C20orf202: variants seen among roughly 807,000 people sequenced by gnomAD.
C20orf202 encodes the protein uncharacterized protein C20orf202.
C20orf202 carries 5 observed loss-of-function variants against 5.3 expected under a neutral mutation model. The ratio of observed to expected loss-of-function variants is 0.94; its 90% CI spans 0.49 to 1.98. The LOEUF (loss-of-function observed/expected upper bound fraction) is 1.98, where lower values mean the gene tolerates loss of function less well. C20orf202 is among the 30% of genes most tolerant of loss of function. The pLI, the probability that C20orf202 is intolerant of heterozygous loss-of-function variation, is 0.01. For synonymous variants in C20orf202, 48 were observed against 50.0 expected, an observed-to-expected ratio of 0.96 and a Z score of 0.16; for missense variants, 135 against 123.5, an observed-to-expected ratio of 1.09 and a Z score of -0.44.
Position 1,207,246 on chromosome 20 carries a change from G to T in C20orf202, c.*144G>T. On this transcript the variant is annotated 3_prime_UTR_variant, in exon 2 of 2. Transcript: ENST00000400633. ...CTGCCCTCATCTGCTGTGCATCCCT[G>T]GATCTGTCACTCAGCTTCTCTGTGT... 1.9e-6 allele frequency: 1 copy of T among 531,372 alleles called. No individual in the cohort carries two copies. Among genetic ancestry groups the T allele is most frequent in the East Asian group, 3.0e-5 (1 of 32,902 alleles). The allele number at this position is 531,372 out of a possible 1,614,324, so 32.9% of individuals were successfully genotyped here.
intron 1 of C20orf202, among the ~76,000 whole-genome samples, chr20:1,204,112 C>A (rs1030861401): frequency 2.0e-5 from 3 of 152,016 alleles, no homozygotes; most frequent in African/African-American, 7.3e-5. Context: ...ATGCGTACAC[C>A]CAATGTCTTA....
intron 1 of C20orf202, among the ~76,000 whole-genome samples, chr20:1,205,495 T>C (rs1004445719): frequency 6.6e-6 from 1 of 152,206 alleles, no homozygotes; most frequent in Non-Finnish European, 1.5e-5. Context: ...TTACTTGTAA[T>C]CAGCTTGTCA....
Position 1,207,065 on chromosome 20 carries a change from T to A in C20orf202, c.263T>A (p.Leu88His), listed in dbSNP as rs1351878867. Residue 88 changes from leucine (L) to histidine (H), a missense_variant, in exon 2 of 2, where the codon CTC becomes CAC. Physicochemically the swap from Leu to His is moderately conservative, Grantham distance 99 (BLOSUM62 -3). Transcript: ENST00000400633. The stretch of plus-strand genomic sequence containing the variant: ...TGCTCAAGGGGTCTGGCCCAGCTCC[T>A]CCGAGGGGAAGACAGCAGACGAAGC... Reference protein sequence around the residue: ...PVCSRGLAQLLRGEDSRRSSL... With the variant: ...PVCSRGLAQLHRGEDSRRSSL... 1.3e-6 allele frequency: 2 copies of A among 1,528,812 alleles called. No homozygotes were observed. Among genetic ancestry groups the A allele is most frequent in the Admixed American group, 4.1e-5 (2 of 49,110 alleles). 94.7% of individuals were successfully genotyped at this position (1,528,812 alleles called of 1,614,324 possible).
intron 1 of C20orf202, among the ~76,000 whole-genome samples, chr20:1,206,048 G>A (rs1308589337): frequency 2.0e-5 from 3 of 151,824 alleles, no homozygotes; most frequent in Admixed American, 6.6e-5. Flanking sequence ...GTGAGACCCC[G>A]CCTCAAAAAT....
chr20:1,204,065 C>T (rs558252176), intron 1 of C20orf202, among the ~76,000 whole-genome samples: 42 of 152,120 alleles, frequency 2.8e-4, no homozygotes, highest in Middle Eastern at 3.4e-3. Context: ...TACTTGGCAC[C>T]GTGGTGCTGG....
At chr20:1,204,484 G>A (rs554550592) in intron 1 of C20orf202, among the ~76,000 whole-genome samples, 1 of 152,334 alleles carries the variant, frequency 6.6e-6, no homozygotes, top group Non-Finnish European at 1.5e-5. Context: ...CCGATGTTAT[G>A]TTACTTGGTC....
chr20:1,203,455 T>C lies in C20orf202; in HGVS notation c.-131T>C. ...TTTCAATGTGAGCTACTTCCTGCTCTCATTAACTCCATCTTCAGTGATTTG... is the reference window on the plus strand; with the variant it reads ...TTTCAATGTGAGCTACTTCCTGCTCCCATTAACTCCATCTTCAGTGATTTG... On this transcript the variant is annotated 5_prime_UTR_variant, in exon 1 of 2. Transcript: ENST00000400633. The C allele has an allele frequency of 2.8e-6, 4 of 1,429,816 alleles. No homozygotes were observed. The highest frequency in any genetic ancestry group is 3.7e-6 in the Non-Finnish European group (4 of 1,077,046). 88.6% of individuals were successfully genotyped at this position (1,429,816 alleles called of 1,614,324 possible). A position where few individuals can be genotyped will look rare whatever the true frequency, so the allele number is the denominator to read the frequency against.
At position 1,208,688 on chromosome 20, in the gene C20orf202, T is replaced by G. The variant is rs1317371184; in HGVS notation, c.*1586T>G. On this transcript the variant is annotated 3_prime_UTR_variant, in exon 2 of 2. Transcript: ENST00000400633. The stretch of plus-strand genomic sequence containing the variant: ...TTCACAACAGGCAGCAATTCCTTCA[T>G]GAAGCACCAGACTTCTCCAGGATCC... 6.6e-6 allele frequency among the ~76,000 whole-genome samples: 1 copy of G among 152,204 alleles called. No homozygotes were observed. Among genetic ancestry groups the G allele is most frequent in the Non-Finnish European group, 1.5e-5 (1 of 68,020 alleles).
At chr20:1,205,968 A>T (rs2087129871) in intron 1 of C20orf202, among the ~76,000 whole-genome samples, 1 of 152,068 alleles carries the variant, frequency 6.6e-6, no homozygotes, top group Non-Finnish European at 1.5e-5. Context: ...TGGGAGGATC[A>T]GTTGAACCCA....
Position 1,206,851 on chromosome 20 carries a change from G to C in C20orf202, c.67-18G>C, listed in dbSNP as rs1474385992. The C allele has an allele frequency of 1.3e-5, 19 of 1,484,410 alleles. No individual in the cohort carries two copies. The highest frequency in any genetic ancestry group is 1.4e-5 in the African/African-American group (1 of 71,466). The allele number at this position is 1,484,410 out of a possible 1,614,324, so 92.0% of individuals were successfully genotyped here. A position where few individuals can be genotyped will look rare whatever the true frequency, so the allele number is the denominator to read the frequency against. The stretch of plus-strand genomic sequence containing the variant: ...CAGGGCTCCACGCATCCCCTCACAG[G>C]CTCCTTCTCTCTCCTAGTCTGAGAT... On this transcript the variant is annotated intron_variant, in intron 1 of 1. Transcript: ENST00000400633.
chr20:1,205,972 GA>G (rs2087129897), intron 1 of C20orf202, among the ~76,000 whole-genome samples: 1 of 151,868 alleles, frequency 6.6e-6, no homozygotes, highest in Non-Finnish European at 1.5e-5. Context: ...AGGATCAGTT[GA>G]ACCCAGGAGC....
intron 1 of C20orf202, among the ~76,000 whole-genome samples, chr20:1,206,387 A>G (rs917167949): frequency 3.3e-5 from 5 of 152,224 alleles, no homozygotes; most frequent in African/African-American, 1.2e-4. Flanking sequence ...CAAAATAACT[A>G]TATTTTTCAA....
chr20:1,204,443 G>T (rs1281468171), intron 1 of C20orf202, among the ~76,000 whole-genome samples: 4 of 152,162 alleles, frequency 2.6e-5, no homozygotes, highest in African/African-American at 7.2e-5. Context: ...ATTGGCAAGG[G>T]CCTCCCCCAT....
Position 1,206,854 on chromosome 20 carries a change from C to T in C20orf202, c.67-15C>T. 1.3e-6 allele frequency: 2 copies of T among 1,494,570 alleles called. No homozygotes were observed. The highest frequency in any genetic ancestry group is 1.8e-6 in the Non-Finnish European group (2 of 1,106,492). 92.6% of individuals were successfully genotyped at this position (1,494,570 alleles called of 1,614,324 possible). On this transcript the variant is annotated splice_polypyrimidine_tract_variant and intron_variant, in intron 1 of 1. Coordinates refer to ENST00000400633, the MANE Select transcript of C20orf202 (RefSeq NM_001394958.1). ...GGCTCCACGCATCCCCTCACAGGCT[C>T]CTTCTCTCTCCTAGTCTGAGATGCA...
rs564190235 is a variant in C20orf202, at chr20:1,207,130, C to T, written c.*28C>T. 37 of 1,383,004 alleles carry T rather than the reference C, an allele frequency of 2.7e-5. No homozygotes were observed. In the South Asian group the frequency reaches 4.3e-4, roughly 16 times the overall value. 85.7% of individuals were successfully genotyped at this position (1,383,004 alleles called of 1,614,324 possible). A position where few individuals can be genotyped will look rare whatever the true frequency, so the allele number is the denominator to read the frequency against. On this transcript the variant is annotated 3_prime_UTR_variant, in exon 2 of 2. Coordinates refer to ENST00000400633, the MANE Select transcript of C20orf202 (RefSeq NM_001394958.1). The stretch of plus-strand genomic sequence containing the variant: ...GGACGGAGATGACACTGGGCTTTAA[C>T]ACTCTCCCCATTAGTCTAACCTTTC...
intron 1 of C20orf202, among the ~76,000 whole-genome samples, chr20:1,205,041 C>T (rs935097535): frequency 6.6e-6 from 1 of 151,888 alleles, no homozygotes; most frequent in African/African-American, 2.4e-5. Context: ...GGACCACTCG[C>T]TCTGCAGCCT....
intron 1 of C20orf202, 33 bp downstream of exon 1, chr20:1,203,684 C>A: frequency 2.0e-6 from 3 of 1,522,122 alleles, no homozygotes; most frequent in Non-Finnish European, 1.8e-6. Context: ...CTTGATGCCC[C>A]GACTACATAT....
At position 1,207,012 on chromosome 20, in the gene C20orf202, C is replaced by A; in HGVS notation, c.210C>A (p.Gly70=). 1.3e-6 allele frequency: 2 copies of A among 1,550,902 alleles called. No homozygotes were observed. Among genetic ancestry groups the A allele is most frequent in the Non-Finnish European group, 1.7e-6 (2 of 1,146,434 alleles). The stretch of plus-strand genomic sequence containing the variant: ...CATCCCCCATCAGAGCTCGAGCGGG[C>A]TCCGAAGGCAGGGGCTGCCAGCCGG... ...GGTSPIRARA[G]SEGRGCQPVC... is the part of the protein sequence containing the mutation. The change falls in exon 2 of 2, where the codon GGC becomes GGA. Residue 70 remains glycine, a synonymous_variant. Coordinates refer to ENST00000400633, the MANE Select transcript of C20orf202 (RefSeq NM_001394958.1).
chr20:1,207,777 G>A lies in C20orf202; in HGVS notation c.*675G>A, dbSNP rs1010591134. ...CTGCTGGTGGCCATGTTCCTACCAG[G>A]TAAAGAAGACCTGTCTGCAGTAGGA... is the stretch of plus-strand genomic sequence containing the variant. On this transcript the variant is annotated 3_prime_UTR_variant, in exon 2 of 2. Coordinates refer to ENST00000400633, the MANE Select transcript of C20orf202 (RefSeq NM_001394958.1). 1 of 152,238 alleles carries A rather than the reference G, an allele frequency of 6.6e-6. No individual in the cohort carries two copies. The highest frequency in any genetic ancestry group is 2.4e-5 in the African/African-American group (1 of 41,458). 9.4% of individuals were successfully genotyped at this position (152,238 alleles called of 1,614,324 possible).
Sources: allele counts gnomAD v4.1 joint callset (sites outside exome capture counted in the v4.1 genomes callset), GRCh38; gene constraint gnomAD v4.1.1; transcripts MANE v1.5; gene names NCBI Gene and HGNC (gene_info 2026-07-23, HGNC 2026-07-21).